The following EXOC6B variants were observed in gnomAD, a reference collection of about 807,000 sequenced individuals.
The protein encoded by EXOC6B is SEC15 homolog B.
EXOC6B carries 54 observed loss-of-function variants against 113.5 expected under a neutral mutation model. The ratio of observed to expected loss-of-function variants is 0.48; its 90% confidence interval spans 0.38 to 0.60. EXOC6B has a LOEUF of 0.60. EXOC6B is among the 20% of genes least tolerant of loss of function. The pLI is 0.00. For missense variants in EXOC6B, 797 were observed against 977.5 expected (o/e 0.82, Z 2.46); for synonymous variants, 357 against 339.0 (o/e 1.05, Z -0.58).
chr2:72,639,616 TA>T (rs908837931), intron 6 of EXOC6B, among the ~76,000 whole-genome samples: 42 of 152,284 alleles, frequency 2.8e-4, no homozygotes, highest in African/African-American at 9.9e-4. Flanking sequence ...TATCACAGTG[TA>T]GTGACCAGCA....
chr2:72,719,476 C>T (rs375135135), intron 5 of EXOC6B, among the ~76,000 whole-genome samples: 1 of 152,136 alleles, frequency 6.6e-6, no homozygotes, highest in Non-Finnish European at 1.5e-5. Context: ...GCAGGCGACA[C>T]CTAAAAGGGT....
chr2:72,291,131 G>T (rs1685759620), intron 20 of EXOC6B, among the ~76,000 whole-genome samples: 1 of 152,132 alleles, frequency 6.6e-6, no homozygotes, highest in African/African-American at 2.4e-5. Flanking sequence ...TATAGACAAA[G>T]AAACTGAGGC....
At chr2:72,257,994 T>C (rs1345568605) in intron 20 of EXOC6B, among the ~76,000 whole-genome samples, 1 of 152,224 alleles carries the variant, frequency 6.6e-6, no homozygotes, top group Non-Finnish European at 1.5e-5. Context: ...GGAACTTCCA[T>C]CCTGAAATTT....
At chr2:72,728,690 A>G (rs1278329835) in intron 5 of EXOC6B, among the ~76,000 whole-genome samples, 2 of 152,218 alleles carry the variant, frequency 1.3e-5, no homozygotes, top group Non-Finnish European at 2.9e-5. Context: ...TTAAATGCTA[A>G]GCCCAAAAGT....
chr2:72,815,707 T>A (rs545998666), intron 1 of EXOC6B, among the ~76,000 whole-genome samples: 1 of 152,278 alleles, frequency 6.6e-6, no homozygotes, highest in African/African-American at 2.4e-5. Flanking sequence ...AGAACTTTAT[T>A]GAAAGAGCTA....
intron 1 of EXOC6B, among the ~76,000 whole-genome samples, chr2:72,771,631 T>C (rs1287993324): frequency 6.6e-6 from 1 of 152,154 alleles, no homozygotes; most frequent in African/African-American, 2.4e-5. Flanking sequence ...TTTCTTTTTA[T>C]CTAAACAAGC....
chr2:72,585,501 G>T (rs1407522763), intron 6 of EXOC6B, among the ~76,000 whole-genome samples: 1 of 151,888 alleles, frequency 6.6e-6, no homozygotes, highest in African/African-American at 2.4e-5. Flanking sequence ...GGAGGCTGAG[G>T]CAGGAGAATC....
Position 72,188,366 on chromosome 2 carries a change from G to A in EXOC6B, c.2197-4179C>T, listed in dbSNP as rs182029152. 1.1e-3 allele frequency among the ~76,000 whole-genome samples: 168 copies of A among 152,296 alleles called. 1 individual carries two copies. The highest frequency in any genetic ancestry group is 3.9e-3 in the African/African-American group (163 of 41,564). ...ATCTAATTTATTCCCCTACAGTCATGGAAGCTACATAACTCTATTAAGTTC... is the reference window on the plus strand; with the variant it reads ...ATCTAATTTATTCCCCTACAGTCATAGAAGCTACATAACTCTATTAAGTTC... On this transcript the variant is annotated intron_variant, in intron 20 of 21. Coordinates refer to ENST00000272427, the MANE Select transcript of EXOC6B (RefSeq NM_015189.3).
chr2:72,818,945 T>C (rs1173725661), intron 1 of EXOC6B, among the ~76,000 whole-genome samples: 2 of 152,176 alleles, frequency 1.3e-5, no homozygotes, highest in African/African-American at 4.8e-5. Context: ...TTATGTAACA[T>C]TAATCGCTAA....
At chr2:72,310,426 T>C (rs1558544646) in intron 20 of EXOC6B, among the ~76,000 whole-genome samples, 1 of 152,220 alleles carries the variant, frequency 6.6e-6, no homozygotes, top group Admixed American at 6.5e-5. Context: ...ATTGTACATT[T>C]GCATGCTTTC....
intron 19 of EXOC6B, among the ~76,000 whole-genome samples, chr2:72,351,168 A>G (rs1689634973): frequency 6.6e-6 from 1 of 152,206 alleles, no homozygotes; most frequent in Non-Finnish European, 1.5e-5. Context: ...AGAAAGGTAC[A>G]TCATTCAGAA....
chr2:72,505,869 CT>C (rs1235326658), intron 11 of EXOC6B, among the ~76,000 whole-genome samples: 2 of 152,008 alleles, frequency 1.3e-5, no homozygotes, highest in African/African-American at 4.8e-5. Context: ...TTATTAATTG[CT>C]TTTCTGTATC....
At chr2:72,656,292 A>C (rs2104425796) in intron 6 of EXOC6B, among the ~76,000 whole-genome samples, 1 of 152,276 alleles carries the variant, frequency 6.6e-6, no homozygotes, top group Non-Finnish European at 1.5e-5. Flanking sequence ...ATTGTTCAAT[A>C]AATGAGAAAA....
chr2:72,253,572 T>A (rs144962504), intron 20 of EXOC6B, among the ~76,000 whole-genome samples: 2,551 of 152,280 alleles, frequency 0.017, 30 homozygotes, highest in Middle Eastern at 0.058. Context: ...GAAGCCATTA[T>A]CCTAAGTGAG....
chr2:72,736,665 C>G (rs980772402), intron 2 of EXOC6B, among the ~76,000 whole-genome samples: 34 of 152,088 alleles, frequency 2.2e-4, no homozygotes. Context: ...GAGTACCAAC[C>G]AACAAGTGAT....
At chr2:72,622,391 G>A (rs1405517280) in intron 6 of EXOC6B, among the ~76,000 whole-genome samples, 1 of 152,072 alleles carries the variant, frequency 6.6e-6, no homozygotes, top group East Asian at 1.9e-4. Context: ...GTTTCTATAT[G>A]AAGTAAAAGA....
At chr2:72,581,566 AG>A (rs1031113149) in intron 6 of EXOC6B, among the ~76,000 whole-genome samples, 10 of 152,196 alleles carry the variant, frequency 6.6e-5, no homozygotes, top group Non-Finnish European at 1.3e-4. Flanking sequence ...AAATCGAGGA[AG>A]GTGGTCACTA....
At chr2:72,640,083 G>A (rs952888910) in intron 6 of EXOC6B, among the ~76,000 whole-genome samples, 3 of 152,164 alleles carry the variant, frequency 2.0e-5, no homozygotes, top group African/African-American at 7.2e-5. Context: ...AGCTACAGGA[G>A]TATGTTGAAA....
chr2:72,480,316 C>A (rs928874866), intron 17 of EXOC6B, among the ~76,000 whole-genome samples: 4 of 152,128 alleles, frequency 2.6e-5, no homozygotes, highest in Admixed American at 2.6e-4. Context: ...TACTTAAGAA[C>A]TGTTGACTGT....
Sources: allele counts gnomAD v4.1 joint callset (sites outside exome capture counted in the v4.1 genomes callset), GRCh38; gene constraint gnomAD v4.1.1; transcripts MANE v1.5; gene names NCBI Gene and HGNC (gene_info 2026-07-23, HGNC 2026-07-21).